Variants in CFAP20DC observed in about 807,000 individuals in gnomAD.
CFAP20DC encodes protein CFAP20DC.
CFAP20DC carries 84 observed loss-of-function variants against 101.7 expected under a neutral mutation model. The ratio of observed to expected loss-of-function variants is 0.83; its 90% CI spans 0.69 to 0.99. The LOEUF is 0.99. Ranked by LOEUF, CFAP20DC falls within the 50% of genes least tolerant of loss-of-function variation. The probability of loss-of-function intolerance (pLI) is 0.00; values close to 1 mark genes in which losing one functional copy is unlikely to be tolerated. For synonymous variants in CFAP20DC, 359 were observed against 351.2 expected (o/e 1.02, Z -0.25); for missense variants, 1,007 against 970.3 (o/e 1.04, Z -0.50).
Position 58,849,010 on chromosome 3 carries a change from A to T in CFAP20DC, c.1971+22T>A, listed in dbSNP as rs76336527. The T allele has an allele frequency of 9.9e-3, 15,159 of 1,529,844 alleles. 113 individuals carry two copies. Among genetic ancestry groups the T allele is most frequent in the Non-Finnish European group, 0.012 (13,539 of 1,144,132 alleles). 94.8% of individuals were successfully genotyped at this position (1,529,844 alleles called of 1,614,324 possible). On this transcript the variant is annotated intron_variant, in intron 13 of 16. Transcript: ENST00000482387. ...AGCAGGATGTATTGCCGGCATCTGT[A>T]AACCACACGGGAACCACTTACAGAT...
intron 15 of CFAP20DC, among the ~76,000 whole-genome samples, chr3:58,784,922 C>T (rs1220163819): frequency 3.9e-5 from 6 of 152,016 alleles, no homozygotes; most frequent in Admixed American, 1.3e-4. Flanking sequence ...AGCAATCCCA[C>T]GACTGGGTAT....
chr3:58,908,806 T>A (rs1198165319), intron 6 of CFAP20DC, among the ~76,000 whole-genome samples: 1 of 152,204 alleles, frequency 6.6e-6, no homozygotes, highest in Non-Finnish European at 1.5e-5. Flanking sequence ...TACAATGGAA[T>A]ATTATCCGGT....
In CFAP20DC at chr3:58,849,290, C is replaced by A. The variant is rs1485959397; in HGVS notation, c.1713G>T (p.Arg571Ser). ...TTGCTCCTGCTTCTGTGTAGGCGCT[C>A]CTTAGATATTCCTTACTTGTCCGCT... ...AAKRTSKEYL[R>S]SAYTEAGATE... Residue 571 changes from arginine (R) to serine (S), a missense_variant, in exon 13 of 17, where the codon AGG (arginine) becomes AGT (serine). By Grantham distance (110) the Arg-to-Ser change is moderately radical. Transcript: ENST00000482387. 4 of 1,535,938 alleles carry A rather than the reference C, an allele frequency of 2.6e-6. No individual in the cohort carries two copies. In the Admixed American group the frequency reaches 5.9e-5, roughly 23 times the overall value.
chr3:58,823,426 C>A (rs1433021474), intron 14 of CFAP20DC, among the ~76,000 whole-genome samples: 1 of 152,130 alleles, frequency 6.6e-6, no homozygotes, highest in Non-Finnish European at 1.5e-5. Flanking sequence ...CCAGTATCTA[C>A]AATGAACTAC....
intron 4 of CFAP20DC, among the ~76,000 whole-genome samples, chr3:58,982,404 A>T (rs1576586626): frequency 6.6e-6 from 1 of 152,168 alleles, no homozygotes; most frequent in South Asian, 2.1e-4. Flanking sequence ...ATAAAGACAC[A>T]TGCACACGTA....
intron 3 of CFAP20DC, among the ~76,000 whole-genome samples, chr3:58,725,051 T>C (rs551638654): frequency 1.3e-5 from 2 of 152,332 alleles, no homozygotes; most frequent in East Asian, 3.9e-4. Flanking sequence ...AATAATAGCT[T>C]GGTATGTAGC....
At chr3:58,733,642 A>G (rs916460562) in intron 3 of CFAP20DC, among the ~76,000 whole-genome samples, 31 of 152,362 alleles carry the variant, frequency 2.0e-4, no homozygotes, top group Admixed American at 4.6e-4. Context: ...GATTCTGAAC[A>G]TTTATAGTGG....
chr3:59,035,269 C>T (rs935348755), intron 4 of CFAP20DC, among the ~76,000 whole-genome samples: 1 of 152,102 alleles, frequency 6.6e-6, no homozygotes, highest in Non-Finnish European at 1.5e-5. Context: ...ACCCTAACAT[C>T]ACAATTAAAA....
chr3:58,720,981 A>G (rs147464369), intron 3 of CFAP20DC, among the ~76,000 whole-genome samples: 1 of 152,220 alleles, frequency 6.6e-6, no homozygotes, highest in Admixed American at 6.5e-5. Flanking sequence ...GTGGCGGGAG[A>G]GGAGAAGCAC....
chr3:58,810,477 G>A (rs1042076821), intron 14 of CFAP20DC, among the ~76,000 whole-genome samples: 8 of 152,128 alleles, frequency 5.3e-5, no homozygotes, highest in Admixed American at 6.5e-5. Flanking sequence ...AATAGATGCA[G>A]AAAAGGCCTC....
chr3:58,940,114 G>C (rs1279138425), intron 4 of CFAP20DC, among the ~76,000 whole-genome samples: 1 of 152,136 alleles, frequency 6.6e-6, no homozygotes, highest in Non-Finnish European at 1.5e-5. Flanking sequence ...ACTCCAAATG[G>C]AGGAATGATT....
intron 14 of CFAP20DC, among the ~76,000 whole-genome samples, chr3:58,807,771 A>G (rs2074228013): frequency 6.6e-6 from 1 of 152,242 alleles, no homozygotes; most frequent in Admixed American, 6.5e-5. Context: ...ACTCCGAGCT[A>G]CAGGAGGAAA....
At chr3:58,979,817 CTTT>C (rs566433334) in intron 4 of CFAP20DC, among the ~76,000 whole-genome samples, 1 of 142,294 alleles carries the variant, frequency 7.0e-6, no homozygotes. Context: ...GTTTCTTTTT[CTTT>C]TTTTTTTTTT....
rs546187293 is a variant in CFAP20DC at position 58,841,074 on chromosome 3, T to C, written c.1971+7958A>G. 1.4e-4 allele frequency among the ~76,000 whole-genome samples: 22 copies of C among 152,316 alleles called. No individual in the cohort carries two copies. In the South Asian group the frequency reaches 4.3e-3, roughly 30 times the overall value. On this transcript the variant is annotated intron_variant, in intron 13 of 16. Transcript: ENST00000482387. Reference sequence around the variant, plus strand: ...ATTTATCAAATGACCTAGAGCAGCATGAGGCCAGTGGGCACATGTGGTAGA... The same window carrying C: ...ATTTATCAAATGACCTAGAGCAGCACGAGGCCAGTGGGCACATGTGGTAGA...
chr3:58,930,823 C>G (rs1576352654), intron 5 of CFAP20DC, among the ~76,000 whole-genome samples: 1 of 152,320 alleles, frequency 6.6e-6, no homozygotes, highest in East Asian at 1.9e-4. Flanking sequence ...CTCCGGTCTA[C>G]AGCTCCCAGC....
intron 5 of CFAP20DC, among the ~76,000 whole-genome samples, chr3:58,922,719 T>C (rs1347981115): frequency 6.6e-6 from 1 of 152,114 alleles, no homozygotes; most frequent in Admixed American, 6.5e-5. Context: ...ATAAGCCAAA[T>C]AAACCTTTTT....
In CFAP20DC at chr3:58,991,386, T is replaced by G. The variant is rs539591756; in HGVS notation, c.278+48171A>C. The stretch of plus-strand genomic sequence containing the variant: ...TATGAAACAGCATGTTCAATAAATA[T>G]TCACTGAATATTAAATATTCTTGAA... On this transcript the variant is annotated intron_variant, in intron 4 of 16. Transcript: ENST00000482387. Among the ~76,000 whole-genome samples, 3 of 152,292 alleles carry G rather than the reference T, an allele frequency of 2.0e-5. No individual in the cohort carries two copies. In the South Asian group the frequency reaches 6.2e-4, roughly 32 times the overall value.
At chr3:58,857,360 T>C (rs903799490) in intron 12 of CFAP20DC, among the ~76,000 whole-genome samples, 4 of 152,158 alleles carry the variant, frequency 2.6e-5, no homozygotes, top group African/African-American at 9.7e-5. Context: ...TTTACTCAGG[T>C]GGAAAGCATT....
intron 14 of CFAP20DC, among the ~76,000 whole-genome samples, chr3:58,816,929 G>C (rs557039658): frequency 1.3e-5 from 2 of 152,198 alleles, no homozygotes; most frequent in Non-Finnish European, 2.9e-5. Flanking sequence ...CTCCCAGCAC[G>C]CAGCTGGAGA....
Sources: allele counts gnomAD v4.1 joint callset (sites outside exome capture counted in the v4.1 genomes callset), GRCh38; gene constraint gnomAD v4.1.1; transcripts MANE v1.5; gene names NCBI Gene and HGNC (gene_info 2026-07-23, HGNC 2026-07-21).